Variants in CACNA2D2 observed in about 807,000 individuals in gnomAD.
The protein encoded by CACNA2D2 is calcium voltage-gated channel auxiliary subunit alpha2delta 2, also known as voltage-dependent calcium channel subunit alpha-2/delta-2.
In CACNA2D2, 48 loss-of-function variants were observed where a neutral mutation model predicts 166.4. That is an observed-to-expected ratio of 0.29 (90% CI 0.23 to 0.37). The LOEUF (loss-of-function observed/expected upper bound fraction) is 0.37. Among genes scored for constraint, CACNA2D2 ranks in the 10% least tolerant of loss-of-function variants. The probability of loss-of-function intolerance (pLI) is 1.00; values close to 1 mark genes in which losing one functional copy is unlikely to be tolerated. For missense variants in CACNA2D2, 1,122 were observed against 1,433.0 expected, an observed-to-expected ratio of 0.78 and a Z score of 3.50; for synonymous variants, 561 against 573.7, an observed-to-expected ratio of 0.98 and a Z score of 0.32.
intron 3 of CACNA2D2, among the ~76,000 whole-genome samples, chr3:50,426,440 A>C (rs892501125): frequency 6.6e-6 from 1 of 152,180 alleles, no homozygotes; most frequent in African/African-American, 2.4e-5. Flanking sequence ...AGCTCAGCCA[A>C]GGTGTCCCCA....
At chr3:50,465,265 T>TTTAAA (rs1029908070) in intron 2 of CACNA2D2, among the ~76,000 whole-genome samples, 3 of 152,214 alleles carry the variant, frequency 2.0e-5, no homozygotes, top group Non-Finnish European at 4.4e-5. Context: ...TAAATGTTCT[T>TTTAAA]TTTAAAAGTT....
Position 50,379,264 on chromosome 3 carries a change from T to C in CACNA2D2, c.1153-65A>G. 2 of 1,484,136 alleles carry C rather than the reference T, an allele frequency of 1.3e-6. No homozygotes were observed. Among genetic ancestry groups the C allele is most frequent in the Non-Finnish European group, 1.9e-6 (2 of 1,064,828 alleles). 91.9% of individuals were successfully genotyped at this position (1,484,136 alleles called of 1,614,324 possible). On this transcript the variant is annotated intron_variant, in intron 11 of 37. Transcript: ENST00000424201. This position sits in a 1 kb window ranked among gnomAD's most constrained non-coding sequence, Gnocchi z 6.5. ...CCCTGGTCCAGGGGCAGGGCCTCCC[T>C]CCCGCAGTGGGCCTGGACCTCTGGC...
chr3:50,420,219 A>G (rs1707482088), intron 3 of CACNA2D2, among the ~76,000 whole-genome samples: 1 of 152,250 alleles, frequency 6.6e-6, no homozygotes, highest in Admixed American at 6.5e-5. Context: ...ATGGGGCAGC[A>G]AGGGGGAGAG....
chr3:50,473,008 C>T (rs1032308310), intron 2 of CACNA2D2, among the ~76,000 whole-genome samples: 2 of 152,122 alleles, frequency 1.3e-5, no homozygotes, highest in Non-Finnish European at 2.9e-5. Flanking sequence ...CAAGAGTGGG[C>T]CACGGGTTGG....
At chr3:50,385,030 C>T (rs1705517854) in intron 5 of CACNA2D2, among the ~76,000 whole-genome samples, 1 of 152,216 alleles carries the variant, frequency 6.6e-6, no homozygotes, top group Non-Finnish European at 1.5e-5. Flanking sequence ...CCACAGCAGC[C>T]TGACAGGTGC....
At position 50,380,972 on chromosome 3, in the gene CACNA2D2, A is replaced by G; in HGVS notation, c.784+23T>C. 1 of 1,612,958 alleles carries G rather than the reference A, an allele frequency of 6.2e-7. No homozygotes were observed. The highest frequency in any genetic ancestry group is 8.5e-7 in the Non-Finnish European group (1 of 1,179,262). On this transcript the variant is annotated intron_variant, in intron 7 of 37. Coordinates refer to ENST00000424201, the MANE Select transcript of CACNA2D2 (RefSeq NM_006030.4). The surrounding 1 kb of genome is among the most constrained non-coding windows in gnomAD (Gnocchi z 4.9). ...GAGAAAGGCGAGGTGCTGGGTAGACAGGGGACAGGGGCTGGTACCTACCCG... is the reference window on the plus strand; with the variant it reads ...GAGAAAGGCGAGGTGCTGGGTAGACGGGGGACAGGGGCTGGTACCTACCCG...
At position 50,427,230 on chromosome 3, in the gene CACNA2D2, T is replaced by C. The variant is rs1707845572; in HGVS notation, c.405+7083A>G. ...TCCTAGCGTTCACCACCAAGTCCCT[T>C]CCTTATCTCCTTGCCAGCCAGCTCT... On this transcript the variant is annotated intron_variant, in intron 3 of 37. Transcript: ENST00000424201. The surrounding 1 kb of genome is among the most constrained non-coding windows in gnomAD (Gnocchi z 4.7). Among the ~76,000 whole-genome samples the C allele has an allele frequency of 6.6e-6, 1 of 152,134 alleles. No homozygotes were observed. Among genetic ancestry groups the C allele is most frequent in the Non-Finnish European group, 1.5e-5 (1 of 68,006 alleles).
Position 50,364,379 on chromosome 3 carries a change from G to C in CACNA2D2, c.*287C>G, listed in dbSNP as rs925067471. On this transcript the variant is annotated 3_prime_UTR_variant, in exon 38 of 38. Transcript: ENST00000424201. The stretch of plus-strand genomic sequence containing the variant: ...AGAGGCCTGGTTTTGGCACCAGTGC[G>C]TGTGGCCTCCCTGTCCCATCCCACT... The C allele has an allele frequency of 9.6e-6, 4 of 417,898 alleles. No individual in the cohort carries two copies. In the East Asian group the frequency reaches 1.5e-4, roughly 16 times the overall value. The allele number at this position is 417,898 out of a possible 1,614,324, so 25.9% of individuals were successfully genotyped here. A position where few individuals can be genotyped will look rare whatever the true frequency, so the allele number is the denominator to read the frequency against.
At position 50,427,007 on chromosome 3, in the gene CACNA2D2, G is replaced by C. The variant is rs1403518800; in HGVS notation, c.405+7306C>G. Among the ~76,000 whole-genome samples the C allele has an allele frequency of 6.6e-6, 1 of 152,220 alleles. No homozygotes were observed. Among genetic ancestry groups the C allele is most frequent in the South Asian group, 2.1e-4 (1 of 4,830 alleles). On this transcript the variant is annotated intron_variant, in intron 3 of 37. Transcript: ENST00000424201. This position sits in a 1 kb window ranked among gnomAD's most constrained non-coding sequence, Gnocchi z 4.7. ...TCTCAGGATTCTCGACTGCCAGACA[G>C]AGATGCAGGCAGGGGAGGCCGTCCC... is the stretch of plus-strand genomic sequence containing the variant.
intron 4 of CACNA2D2, among the ~76,000 whole-genome samples, chr3:50,391,055 C>G (rs913872870): frequency 6.6e-6 from 1 of 152,240 alleles, no homozygotes; most frequent in Non-Finnish European, 1.5e-5. Flanking sequence ...CAGAGGCAGG[C>G]AGGGGCCCTA....
intron 2 of CACNA2D2, among the ~76,000 whole-genome samples, chr3:50,455,900 A>G: frequency 6.6e-6 from 1 of 151,818 alleles, no homozygotes; most frequent in East Asian, 1.9e-4. Context: ...TGCTCCCCCC[A>G]TTCCTCTCCT....
chr3:50,466,871 G>C (rs1240717810), intron 2 of CACNA2D2, among the ~76,000 whole-genome samples: 1 of 152,222 alleles, frequency 6.6e-6, no homozygotes, highest in East Asian at 1.9e-4. Context: ...CCCATCTTCT[G>C]TCTGTACCCG....
intron 2 of CACNA2D2, among the ~76,000 whole-genome samples, chr3:50,452,093 C>G (rs984994304): frequency 6.6e-6 from 1 of 152,224 alleles, no homozygotes; most frequent in Admixed American, 6.5e-5. Context: ...CCAGGCTGTA[C>G]CCCGAGCAGA....
At chr3:50,432,190 T>C (rs1419401807) in intron 3 of CACNA2D2, among the ~76,000 whole-genome samples, 4 of 151,904 alleles carry the variant, frequency 2.6e-5, no homozygotes, top group African/African-American at 9.7e-5. Flanking sequence ...TCGGAGTTGA[T>C]TGTTCCTTTA....
intron 2 of CACNA2D2, among the ~76,000 whole-genome samples, chr3:50,469,512 G>A (rs1709974542): frequency 1.3e-5 from 2 of 152,144 alleles, no homozygotes. Flanking sequence ...CTCTGGAAGG[G>A]CAGGCAATTG....
intron 17 of CACNA2D2, 107 bp downstream of exon 17, chr3:50,377,360 C>G: frequency 1.1e-6 from 1 of 905,098 alleles, no homozygotes; most frequent in Non-Finnish European, 1.7e-6. Flanking sequence ...GACCCCTGAA[C>G]TCAGAGGTCT....
intron 3 of CACNA2D2, among the ~76,000 whole-genome samples, chr3:50,410,349 G>T (rs1261053569): frequency 6.6e-6 from 1 of 152,256 alleles, no homozygotes; most frequent in African/African-American, 2.4e-5. Flanking sequence ...CACAGGTGAA[G>T]AAACCGAGGC....
At position 50,380,963 on chromosome 3, in the gene CACNA2D2, T is replaced by C. The variant is rs1705275558; in HGVS notation, c.784+32A>G. ...TGGTAGATGGAGAAAGGCGAGGTGC[T>C]GGGTAGACAGGGGACAGGGGCTGGT... On this transcript the variant is annotated intron_variant, in intron 7 of 37. Coordinates refer to ENST00000424201, the MANE Select transcript of CACNA2D2 (RefSeq NM_006030.4). The surrounding 1 kb of genome is among the most constrained non-coding windows in gnomAD (Gnocchi z 4.9). The C allele has an allele frequency of 3.1e-6, 5 of 1,611,898 alleles. No individual in the cohort carries two copies. Among genetic ancestry groups the C allele is most frequent in the Non-Finnish European group, 4.2e-6 (5 of 1,178,588 alleles).
In CACNA2D2 at chr3:50,362,704, C is replaced by G. The variant is rs184794942; in HGVS notation, c.*1962G>C. 1 of 156,474 alleles carries G rather than the reference C, an allele frequency of 6.4e-6. No individual in the cohort carries two copies. The highest frequency in any genetic ancestry group is 6.5e-5 in the Admixed American group (1 of 15,412). 9.7% of individuals were successfully genotyped at this position (156,474 alleles called of 1,614,324 possible). On this transcript the variant is annotated 3_prime_UTR_variant, in exon 38 of 38. Transcript: ENST00000424201. ...ACCTGGGCTACCATGGTCTTCACCC[C>G]CTGCAGAGCACTAAGTGGGACTCTG...
Sources: gnomAD v4.1 joint callset for allele counts (sites outside exome capture counted in the v4.1 genomes callset) on GRCh38, gnomAD v4.1.1 for gene constraint, Gnocchi (gnomAD v3.1) non-coding constraint, MANE v1.5 for transcripts, NCBI Gene and HGNC (gene_info 2026-07-23, HGNC 2026-07-21) for gene names.